Variants in SMARCA1 observed in about 807,000 individuals in gnomAD.
The protein encoded by SMARCA1 is SNF2 related chromatin remodeling ATPase 1, also known as SWI/SNF-related matrix-associated actin-dependent regulator of chromatin subfamily A member 1.
Under a neutral mutation model 93.6 loss-of-function variants are expected in SMARCA1, and 17 were observed. The ratio of observed to expected loss-of-function variants is 0.18; its 90% confidence interval spans 0.12 to 0.27. SMARCA1 has a LOEUF of 0.27. SMARCA1 is among the 10% of genes least tolerant of loss of function. The probability of loss-of-function intolerance (pLI) is 1.00; values close to 1 mark genes in which losing one functional copy is unlikely to be tolerated. For missense variants in SMARCA1, 630 were observed against 819.0 expected, an observed-to-expected ratio of 0.77 and a Z score of 2.82; for synonymous variants, 271 against 271.4, an observed-to-expected ratio of 1.00 and a Z score of 0.01.
chrX:129,504,562 A>AAAAAAAC (rs1569446056), intron 9 of SMARCA1, among the ~76,000 whole-genome samples, 172 bp downstream of exon 9: 1 of 96,112 alleles, frequency 1.0e-5, no homozygotes, highest in African/African-American at 4.3e-5. Flanking sequence ...AAAAAAAAAA[A>AAAAAAAC]AAAAAAAAAA....
At chrX:129,522,933 C>T (rs1935459644) in intron 1 of SMARCA1, among the ~76,000 whole-genome samples, 2 of 111,271 alleles carry the variant, frequency 1.8e-5, no homozygotes, top group South Asian at 3.8e-4. Flanking sequence ...GCTCCCGAGC[C>T]CCCAGGCCCC....
At position 129,489,098 on chromosome X, in the gene SMARCA1, A is replaced by T; in HGVS notation, c.1949-13T>A. On this transcript the variant is annotated splice_polypyrimidine_tract_variant and intron_variant, in intron 15 of 24. Coordinates refer to ENST00000371121, the MANE Select transcript of SMARCA1 (RefSeq NM_001282874.2). ...TCAATGAGTCTTCCTAATGATAAAA[A>T]TTGAAATTGTACATATTCAATCAAT... is the stretch of plus-strand genomic sequence containing the variant. 8.9e-7 allele frequency: 1 copy of T among 1,123,346 alleles called. No homozygotes were observed. The highest frequency in any genetic ancestry group is 1.2e-6 in the Non-Finnish European group (1 of 819,845). The allele number at this position is 1,123,346 out of a possible 1,213,427, so 92.6% of individuals were successfully genotyped here.
At chrX:129,480,073 T>G (rs1041489386) in intron 19 of SMARCA1, among the ~76,000 whole-genome samples, 3 of 112,279 alleles carry the variant, frequency 2.7e-5, no homozygotes, top group African/African-American at 9.7e-5. Context: ...GAAGTCAATT[T>G]CAACATACAG....
At chrX:129,495,919 C>T (rs1934307798) in intron 12 of SMARCA1, among the ~76,000 whole-genome samples, 2 of 104,648 alleles carry the variant, frequency 1.9e-5, no homozygotes, top group Admixed American at 1.1e-4. Context: ...ATTATAGACG[C>T]GCGCCACCAC....
intron 5 of SMARCA1, among the ~76,000 whole-genome samples, chrX:129,515,470 G>C (rs1853416598): frequency 1.8e-5 from 2 of 111,043 alleles, no homozygotes; most frequent in Non-Finnish European, 3.8e-5. Flanking sequence ...CGAGGGTACA[G>C]TGAGCCGAGA....
At chrX:129,516,538 C>T in intron 2 of SMARCA1, 41 bp from the exon 3 acceptor site, 1 of 1,085,882 alleles carries the variant, frequency 9.2e-7, no homozygotes, top group Non-Finnish European at 1.3e-6. Flanking sequence ...CTTTCCTTTT[C>T]ATTCCTTCAA....
In SMARCA1 at chrX:129,498,020, C is replaced by T. The variant is rs1210802919; in HGVS notation, c.1329G>A (p.Lys443=). 1.0e-5 allele frequency: 12 copies of T among 1,205,318 alleles called. No individual in the cohort carries two copies. In the African/African-American group the frequency reaches 2.1e-4, roughly 21 times the overall value. ...TGTTTAAGAGTCGCATCTTGTCCAT[C>T]TTGCCAGAAGAGTTTAAAACATCAA... The part of the protein sequence containing the change: ...KDIDVLNSSG[K]MDKMRLLNIL... The change falls in exon 11 of 25, where the codon AAG becomes AAA. Residue 443 remains lysine (K), a synonymous_variant. Coordinates refer to ENST00000371121, the MANE Select transcript of SMARCA1 (RefSeq NM_001282874.2).
chrX:129,461,692 G>T (rs1408301), intron 23 of SMARCA1, among the ~76,000 whole-genome samples: 25,740 of 110,881 alleles, frequency 0.23, 2,698 homozygotes, highest in African/African-American at 0.39. Flanking sequence ...ATAAGTTTTT[G>T]ACTATCCTAA....
chrX:129,512,067 C>G lies in SMARCA1; in HGVS notation c.631-84G>C, dbSNP rs957481370. On this transcript the variant is annotated intron_variant, in intron 5 of 24. Coordinates refer to ENST00000371121, the MANE Select transcript of SMARCA1 (RefSeq NM_001282874.2). ...TGTTAGGAACAACATAACAAAAGAT[C>G]TTTGTCCACTATCTCGCAAAGGCAA... 21 of 722,310 alleles carry G rather than the reference C, an allele frequency of 2.9e-5. No individual in the cohort carries two copies. In the African/African-American group the frequency reaches 3.4e-4, roughly 12 times the overall value. The allele number at this position is 722,310 out of a possible 1,213,427, so 59.5% of individuals were successfully genotyped here. A position where few individuals can be genotyped will look rare whatever the true frequency, so the allele number is the denominator to read the frequency against.
At chrX:129,456,058 A>G (rs1932607378) in intron 23 of SMARCA1, among the ~76,000 whole-genome samples, 1 of 111,952 alleles carries the variant, frequency 8.9e-6, no homozygotes, top group African/African-American at 3.2e-5. Flanking sequence ...GCGGATGCCC[A>G]GCTTCAAAGC....
At chrX:129,504,635 G>T in intron 9 of SMARCA1, 99 bp downstream of exon 9, 1 of 466,085 alleles carries the variant, frequency 2.1e-6, no homozygotes. Context: ...TGAGCCAAGA[G>T]GCAAACACAA....
At chrX:129,500,451 C>T (rs1373325595) in intron 9 of SMARCA1, among the ~76,000 whole-genome samples, 3 of 112,689 alleles carry the variant, frequency 2.7e-5, no homozygotes, top group Non-Finnish European at 5.6e-5. Context: ...CAGGCGTGAG[C>T]CACTGTGCCC....
At chrX:129,503,156 T>TG (rs1274528563) in intron 9 of SMARCA1, among the ~76,000 whole-genome samples, 1 of 111,958 alleles carries the variant, frequency 8.9e-6, no homozygotes, top group Non-Finnish European at 1.9e-5. Flanking sequence ...TTGGGGAGAC[T>TG]GGGGAAGGTC....
At chrX:129,470,242 G>T (rs1933053408) in intron 20 of SMARCA1, among the ~76,000 whole-genome samples, 1 of 111,109 alleles carries the variant, frequency 9.0e-6, no homozygotes, top group African/African-American at 3.3e-5. Flanking sequence ...TATTTTGCAA[G>T]CCTTCTATGC....
At chrX:129,457,341 T>C (rs1932678214) in intron 23 of SMARCA1, among the ~76,000 whole-genome samples, 1 of 112,566 alleles carries the variant, frequency 8.9e-6, no homozygotes, top group Middle Eastern at 4.2e-3. Flanking sequence ...ATTTGCTTTA[T>C]TGTAGTGTTC....
chrX:129,521,877 G>A (rs971732561), intron 1 of SMARCA1, among the ~76,000 whole-genome samples: 5 of 112,178 alleles, frequency 4.5e-5, no homozygotes, highest in Non-Finnish European at 9.4e-5. Flanking sequence ...CCTTGTAATA[G>A]TAAAATATGT....
chrX:129,447,038 G>T lies in SMARCA1; in HGVS notation c.*124C>A. 2.0e-6 allele frequency: 1 copy of T among 503,536 alleles called. No individual in the cohort carries two copies. Among genetic ancestry groups the T allele is most frequent in the Non-Finnish European group, 3.2e-6 (1 of 309,695 alleles). The allele number at this position is 503,536 out of a possible 1,213,427, so 41.5% of individuals were successfully genotyped here. A position where few individuals can be genotyped will look rare whatever the true frequency, so the allele number is the denominator to read the frequency against. On this transcript the variant is annotated 3_prime_UTR_variant, in exon 25 of 25. Transcript: ENST00000371121. ...AAGCATTGTAAAATATATAAAATAT[G>T]CAAGAAATCAAAACCAAAGAGATTT... is the stretch of plus-strand genomic sequence containing the variant.
intron 9 of SMARCA1, among the ~76,000 whole-genome samples, chrX:129,502,826 TAC>T (rs1392756815): frequency 9.0e-6 from 1 of 111,016 alleles, no homozygotes; most frequent in Non-Finnish European, 1.9e-5. Flanking sequence ...AGGTAGAAAA[TAC>T]AGTCAGTTAA....
At chrX:129,454,032 C>A (rs1173933109) in intron 23 of SMARCA1, among the ~76,000 whole-genome samples, 1 of 111,959 alleles carries the variant, frequency 8.9e-6, no homozygotes, top group East Asian at 2.8e-4. Context: ...CGCTACCTGA[C>A]TTCAAACTAT....
Sources: allele counts gnomAD v4.1 joint callset (sites outside exome capture counted in the v4.1 genomes callset), GRCh38; gene constraint gnomAD v4.1.1; transcripts MANE v1.5; gene names NCBI Gene and HGNC (gene_info 2026-07-23, HGNC 2026-07-21).